The following ZNF35 variants were observed in gnomAD, a reference collection of about 807,000 sequenced individuals.
The protein encoded by ZNF35 is zinc finger protein 35.
Under a neutral mutation model 45.9 loss-of-function variants are expected in ZNF35, and 31 were observed. The ratio of observed to expected loss-of-function variants is 0.68; its 90% CI spans 0.51 to 0.91. The LOEUF is 0.91. Among genes scored for constraint, ZNF35 ranks in the 40% least tolerant of loss-of-function variants. The probability of loss-of-function intolerance (pLI) is 0.00; values close to 1 mark genes in which losing one functional copy is unlikely to be tolerated. For missense variants in ZNF35, 515 were observed against 625.4 expected, an observed-to-expected ratio of 0.82 and a Z score of 1.88; for synonymous variants, 205 against 220.2, an observed-to-expected ratio of 0.93 and a Z score of 0.61.
chr3:44,649,366 C>T (rs1193524018), intron 1 of ZNF35, among the ~76,000 whole-genome samples: 3 of 152,174 alleles, frequency 2.0e-5, no homozygotes, highest in Non-Finnish European at 4.4e-5. Flanking sequence ...TTAATAAATT[C>T]AGTGTATACA....
rs1253186205 is a variant in ZNF35 at position 44,660,678 on chromosome 3, C to G, written c.*731C>G. 2.0e-5 allele frequency: 3 copies of G among 152,314 alleles called. No homozygotes were observed. The highest frequency in any genetic ancestry group is 7.2e-5 in the African/African-American group (3 of 41,468). The allele number at this position is 152,314 out of a possible 1,614,324, so 9.4% of individuals were successfully genotyped here. Reference sequence around the variant, plus strand: ...TTTGCCAAGATCAACAGCTCCTTCTCCAAACAACTCAAGCCCCCAATTCCC... The same window carrying G: ...TTTGCCAAGATCAACAGCTCCTTCTGCAAACAACTCAAGCCCCCAATTCCC... On this transcript the variant is annotated 3_prime_UTR_variant, in exon 4 of 4. Coordinates refer to ENST00000396056, the MANE Select transcript of ZNF35 (RefSeq NM_003420.4).
intron 3 of ZNF35, among the ~76,000 whole-genome samples, chr3:44,655,687 C>T (rs1341832204): frequency 1.3e-5 from 2 of 152,208 alleles, no homozygotes; most frequent in Non-Finnish European, 1.5e-5. Flanking sequence ...CCCTAATTCT[C>T]TTTTCTTAGG....
Position 44,659,740 on chromosome 3 carries a change from A to G in ZNF35, c.1377A>G (p.Ser459=), listed in dbSNP as rs753007969. ...GTGGGAAGGCCTTCACATGTAGCTC[A>G]TACCTACTTATTCATCAGAGAATTC... ...NECGKAFTCS[S]YLLIHQRIHN... Residue 459 remains serine, a synonymous_variant, in exon 4 of 4, where the codon TCA becomes TCG. Transcript: ENST00000396056. This position sits in a 1 kb window ranked among gnomAD's most constrained non-coding sequence, Gnocchi z 4.3. 6.2e-7 allele frequency: 1 copy of G among 1,614,068 alleles called. No homozygotes were observed. The highest frequency in any genetic ancestry group is 1.1e-5 in the South Asian group (1 of 91,070).
intron 1 of ZNF35, 26 bp from the exon 2 acceptor site, chr3:44,650,915 G>A: frequency 2.6e-6 from 2 of 760,430 alleles, no homozygotes; most frequent in South Asian, 4.6e-5. Context: ...TCTCCTTGGT[G>A]CTAACAGTGT....
rs118094259 is a variant in ZNF35 at position 44,658,488 on chromosome 3, C to T, written c.338-213C>T. Among the ~76,000 whole-genome samples the T allele has an allele frequency of 7.6e-4, 115 of 152,274 alleles. 1 individual carries two copies. The East Asian group carries it at 0.019, about 25-fold the overall frequency. The stretch of plus-strand genomic sequence containing the variant: ...GCAAGTGGAAGTGCTGGAAAGACCA[C>T]GAGTCAGTGGGTTCTGCCATAGGTA... On this transcript the variant is annotated intron_variant, in intron 3 of 3. Transcript: ENST00000396056.
chr3:44,647,182 TG>T (rs1417262093), upstream of ZNF35: 3 of 152,146 alleles, frequency 2.0e-5, no homozygotes, highest in Non-Finnish European at 4.4e-5. Context: ...GACATTTCAC[TG>T]AAGTATAGAT....
intron 3 of ZNF35, among the ~76,000 whole-genome samples, 172 bp from the exon 4 acceptor site, chr3:44,658,529 C>T (rs1306055493): frequency 6.6e-6 from 1 of 152,176 alleles, no homozygotes; most frequent in Non-Finnish European, 1.5e-5. Flanking sequence ...GAGGGCAAAG[C>T]CCCAGCTGAA....
At chr3:44,657,757 C>T (rs1422162253) in intron 3 of ZNF35, among the ~76,000 whole-genome samples, 4 of 152,092 alleles carry the variant, frequency 2.6e-5, no homozygotes, top group Non-Finnish European at 4.4e-5. Flanking sequence ...TGTACAGTTT[C>T]TTTTTTTATT....
chr3:44,652,474 A>G, intron 2 of ZNF35, 83 bp from the exon 3 acceptor site: 1 of 1,327,266 alleles, frequency 7.5e-7, no homozygotes, highest in Non-Finnish European at 1.0e-6. Context: ...AGGAATAGAT[A>G]ATTATGTTCT....
At chr3:44,655,427 AAG>A (rs1703282981) in intron 3 of ZNF35, among the ~76,000 whole-genome samples, 1 of 151,974 alleles carries the variant, frequency 6.6e-6, no homozygotes, top group South Asian at 2.1e-4. Context: ...AAAAAAAAAA[AAG>A]AGTGAAAGAA....
intron 3 of ZNF35, among the ~76,000 whole-genome samples, chr3:44,653,631 C>T (rs552881781): frequency 6.6e-6 from 1 of 152,318 alleles, no homozygotes; most frequent in African/African-American, 2.4e-5. Context: ...TTTTGAGCAG[C>T]TGTGTTAACC....
chr3:44,646,739 T>A (rs1380173708), upstream of ZNF35: 4 of 493,472 alleles, frequency 8.1e-6, no homozygotes, highest in African/African-American at 2.0e-5. Flanking sequence ...ATGAGGAGGC[T>A]TGTTTTTAAA....
chr3:44,648,401 A>G (rs1264222432), upstream of ZNF35: 1 of 152,236 alleles, frequency 6.6e-6, no homozygotes, highest in Non-Finnish European at 1.5e-5. Flanking sequence ...AAATACGGGT[A>G]TTCAATGTGC....
At position 44,660,052 on chromosome 3, in the gene ZNF35, G is replaced by A; in HGVS notation, c.*105G>A. On this transcript the variant is annotated 3_prime_UTR_variant, in exon 4 of 4. Coordinates refer to ENST00000396056, the MANE Select transcript of ZNF35 (RefSeq NM_003420.4). ...CCTCCTCTATAAAAGTGAGGGCTGT[G>A]TCCTTAAAAGTTATAGTTTTCAGGA... 1 of 1,198,754 alleles carries A rather than the reference G, an allele frequency of 8.3e-7. No homozygotes were observed. The allele number at this position is 1,198,754 out of a possible 1,614,324, so 74.3% of individuals were successfully genotyped here.
At chr3:44,652,483 C>T in intron 2 of ZNF35, 74 bp from the exon 3 acceptor site, 1 of 1,357,688 alleles carries the variant, frequency 7.4e-7, no homozygotes, top group South Asian at 1.9e-5. Flanking sequence ...TAATTATGTT[C>T]TCATTCTCAA....
chr3:44,651,135 A>G lies in ZNF35; in HGVS notation c.68A>G (p.Glu23Gly), dbSNP rs1235592054. The G allele has an allele frequency of 6.2e-7, 1 of 1,614,022 alleles. No individual in the cohort carries two copies. The highest frequency in any genetic ancestry group is 1.3e-5 in the African/African-American group (1 of 74,914). ...PWGPVKVKKE[E>G]EEEENFPGQA... ...GGCCCAGTGAAGGTGAAAAAGGAGG[A>G]GGAAGAAGAAGAAAACTTCCCAGGT... Residue 23 changes from glutamate to glycine, a missense_variant, in exon 2 of 4, where the codon GAG (glutamate) becomes GGG (glycine). Glu to Gly is a moderately conservative substitution (Grantham distance 98). Around this residue, in one of 3 missense-constraint regions of ZNF35, gnomAD observed 275 missense variants for 295.7 expected, o/e 0.93. Coordinates refer to ENST00000396056, the MANE Select transcript of ZNF35 (RefSeq NM_003420.4).
At position 44,659,698 on chromosome 3, in the gene ZNF35, T is replaced by G. The variant is rs143111808; in HGVS notation, c.1335T>G (p.Pro445=). ...AGAGAATTCACAGTGGAGATCTTCC[T>G]TACGTGTGTAATGAATGTGGGAAGG... is the stretch of plus-strand genomic sequence containing the variant. ...VHQRIHSGDL[P]YVCNECGKAF... Residue 445 remains proline, a synonymous_variant, in exon 4 of 4, where the codon CCT becomes CCG. Transcript: ENST00000396056. The surrounding 1 kb of genome is among the most constrained non-coding windows in gnomAD (Gnocchi z 4.3). 8.1e-5 allele frequency: 131 copies of G among 1,614,184 alleles called. No individual in the cohort carries two copies. The African/African-American group carries it at 1.4e-3, about 18-fold the overall frequency.
At chr3:44,658,660 C>T in intron 3 of ZNF35, 41 bp from the exon 4 acceptor site, 1 of 1,521,360 alleles carries the variant, frequency 6.6e-7, no homozygotes. Context: ...TTTTCTAGGC[C>T]AGAGAAAGCT....
chr3:44,653,039 T>C (rs1379226647), intron 3 of ZNF35, among the ~76,000 whole-genome samples: 1 of 152,104 alleles, frequency 6.6e-6, no homozygotes, highest in African/African-American at 2.4e-5. Flanking sequence ...GTAGACAGTC[T>C]AGAGGCAGTG....
Sources: allele counts gnomAD v4.1 joint callset (sites outside exome capture counted in the v4.1 genomes callset), GRCh38; gene constraint gnomAD v4.1.1; regional missense constraint gnomAD v4.1.1; non-coding constraint Gnocchi (gnomAD v3.1); transcripts MANE v1.5; gene names NCBI Gene and HGNC (gene_info 2026-07-23, HGNC 2026-07-21).